DHX16: variants seen among roughly 807,000 people sequenced by gnomAD.
The protein encoded by DHX16 is DEAH-box helicase 16, also known as pre-mRNA-splicing factor ATP-dependent RNA helicase DHX16.
In DHX16, 81 loss-of-function variants were observed where a neutral mutation model predicts 131.2. The ratio of observed to expected loss-of-function variants is 0.62; its 90% CI spans 0.52 to 0.74. The LOEUF (loss-of-function observed/expected upper bound fraction) is 0.74, where lower values mean the gene tolerates loss of function less well. Ranked by LOEUF, DHX16 falls within the 30% of genes least tolerant of loss-of-function variation. DHX16 has a pLI of 0.00. For synonymous variants in DHX16, 440 were observed against 520.2 expected (o/e 0.85, Z 2.10); for missense variants, 980 against 1,363.1 (o/e 0.72, Z 4.43).
rs1768294900 is a variant in DHX16 at position 30,659,573 on chromosome 6, C to T, written c.1906G>A (p.Gly636Ser). ...EMLQDRCRRL[G>S]SKIRELLVLP... ...ACCAGGAGCTCCCGGATTTTGGAGC[C>T]CAGGCGGCGGCAGCGATCCTGGAGC... is the stretch of plus-strand genomic sequence containing the variant. The change falls in exon 12 of 20, where the codon GGC becomes AGC. Residue 636 changes from glycine to serine, a missense_variant. Gly to Ser is a moderately conservative substitution (Grantham distance 56). Transcript: ENST00000376442. 6.2e-7 allele frequency: 1 copy of T among 1,613,188 alleles called. No individual in the cohort carries two copies. Among genetic ancestry groups the T allele is most frequent in the South Asian group, 1.1e-5 (1 of 91,068 alleles).
At position 30,671,036 on chromosome 6, in the gene DHX16, C is replaced by G. The variant is rs142158557; in HGVS notation, c.446G>C (p.Gly149Ala). 3.7e-6 allele frequency: 6 copies of G among 1,613,000 alleles called. 1 individual carries two copies. The highest frequency in any genetic ancestry group is 3.3e-4 in the Middle Eastern group (2 of 6,062). Reference protein sequence around the residue: ...EASEKGKKKTGGSKQQTEKPE... With the variant: ...EASEKGKKKTAGSKQQTEKPE... ...CTCTCTCACCCTGCTTCTGACTTAC[C>G]CTGTTTTCTTCTTCCCTTTCTCAGA... Residue 149 changes from glycine (G) to alanine (A), a missense_variant and splice_region_variant, in exon 2 of 20, where the codon GGG (glycine) becomes GCG (alanine). By Grantham distance (60) the Gly-to-Ala change is moderately conservative (BLOSUM62 0). Coordinates refer to ENST00000376442, the MANE Select transcript of DHX16 (RefSeq NM_003587.5).
chr6:30,660,049 C>G lies in DHX16; in HGVS notation c.1738G>C (p.Asp580His). 1.2e-6 allele frequency: 2 copies of G among 1,612,766 alleles called. No homozygotes were observed. Among genetic ancestry groups the G allele is most frequent in the Non-Finnish European group, 1.7e-6 (2 of 1,179,856 alleles). Residue 580 changes from aspartate to histidine, a missense_variant, in exon 10 of 20, where the codon GAC (aspartate) becomes CAC (histidine). Physicochemically the swap from Asp to His is moderately conservative, Grantham distance 81 (BLOSUM62 -1). Transcript: ENST00000376442. Reference sequence around the variant, plus strand: ...GGGGGCACCTTGGTGTAGAAGATGTCCACAGGAAACCTGCGTCCGGGGATT... The same window carrying G: ...GGGGGCACCTTGGTGTAGAAGATGTGCACAGGAAACCTGCGTCCGGGGATT... ...FRIPGRRFPV[D>H]IFYTKAPEAD...
intron 7 of DHX16, 45 bp from the exon 8 acceptor site, chr6:30,663,066 T>C (rs749919784): frequency 3.4e-6 from 5 of 1,455,530 alleles, no homozygotes; most frequent in Admixed American, 1.9e-5. Context: ...TTACTAAATA[T>C]GCACCCTGGG....
chr6:30,664,935 C>G lies in DHX16; in HGVS notation c.1183G>C (p.Val395Leu), dbSNP rs907436587. The change falls in exon 7 of 20, where the codon GTC (valine) becomes CTC (leucine). Residue 395 changes from valine to leucine, a missense_variant. By Grantham distance (32) the Val-to-Leu change is conservative. Coordinates refer to ENST00000376442, the MANE Select transcript of DHX16 (RefSeq NM_003587.5). ...GGGAACACCGGGAGGCTGCGGCGGA[C>G]GGCCTGGATGGACTCTTTCTGCTGG... ...QAQQKESIQA[V>L]RRSLPVFPFR... The G allele has an allele frequency of 1.2e-6, 2 of 1,613,730 alleles. No individual in the cohort carries two copies. Among genetic ancestry groups the G allele is most frequent in the East Asian group, 2.2e-5 (1 of 44,888 alleles).
chr6:30,660,199 CTG>C lies in DHX16; in HGVS notation c.1586_1587del (p.Thr529ArgfsTer16), dbSNP rs772270630. ...TCCTTGATCAATCCAAAGAGAATGT[CTG>C]TGTGTAGGGTCCTTTCGTGTGCCTC... ...VDEAHERTLHTDILFGLIKDV... is the reference protein window; with the variant it reads ...VDEAHERTLHXDILFGLIKDV... On this transcript the variant is annotated frameshift_variant, in exon 10 of 20. Transcript: ENST00000376442. LOFTEE classifies it high-confidence loss of function. 2 of 1,561,192 alleles carry C rather than the reference CTG, an allele frequency of 1.3e-6. No homozygotes were observed. The highest frequency in any genetic ancestry group is 1.7e-6 in the Non-Finnish European group (2 of 1,152,666).
intron 4 of DHX16, among the ~76,000 whole-genome samples, chr6:30,669,640 C>T (rs1769346685): frequency 6.6e-6 from 1 of 150,542 alleles, no homozygotes; most frequent in Non-Finnish European, 1.5e-5. Context: ...GCCTGTAATC[C>T]CAGCTACTCA....
Position 30,660,086 on chromosome 6 carries a change from G to T in DHX16, c.1701C>A (p.Ala567=). ...TGCGTCCGGGGATTCGAAACACAGG[G>T]GCGTCATCAAAGAAGGTGGAAAAAC... ...TARFSTFFDD[A]PVFRIPGRRF... is the part of the protein sequence containing the mutation. Residue 567 remains alanine, a synonymous_variant, in exon 10 of 20, where the codon GCC becomes GCA. Transcript: ENST00000376442. The T allele has an allele frequency of 5.6e-6, 9 of 1,612,822 alleles. No individual in the cohort carries two copies. Among genetic ancestry groups the T allele is most frequent in the Non-Finnish European group, 7.6e-6 (9 of 1,179,914 alleles).
At position 30,672,978 on chromosome 6, in the gene DHX16, G is replaced by C; in HGVS notation, c.-137C>G. ...TACCTTGGGACCTCTAGGATCTTCC[G>C]ACATCCCAAAGCTGTCTTCCCGTAC... On this transcript the variant is annotated 5_prime_UTR_variant, in exon 1 of 20. Transcript: ENST00000376442. 1 of 1,551,680 alleles carries C rather than the reference G, an allele frequency of 6.4e-7. No individual in the cohort carries two copies. The highest frequency in any genetic ancestry group is 8.7e-7 in the Non-Finnish European group (1 of 1,147,080).
At chr6:30,655,837 A>G (rs1326343881) in intron 16 of DHX16, among the ~76,000 whole-genome samples, 1 of 152,174 alleles carries the variant, frequency 6.6e-6, no homozygotes, top group Non-Finnish European at 1.5e-5. Flanking sequence ...AGCAGGAAAC[A>G]CCGGGGAATT....
At chr6:30,655,058 A>G (rs1208703949) in intron 18 of DHX16, 117 bp downstream of exon 18, 53 of 1,469,988 alleles carry the variant, frequency 3.6e-5, no homozygotes, top group Non-Finnish European at 4.5e-5. Flanking sequence ...AGGACACGTC[A>G]TACACAAGGG....
chr6:30,672,799 G>A lies in DHX16; in HGVS notation c.43C>T (p.Leu15=). 6.2e-7 allele frequency: 1 copy of A among 1,612,972 alleles called. No homozygotes were observed. Among genetic ancestry groups the A allele is most frequent in the Non-Finnish European group, 8.5e-7 (1 of 1,180,036 alleles). ...AGLERWVQDE[L]HSVLGLSERH... is the part of the protein sequence containing the mutation. ...TCGCTCAGCCCCAACACCGAGTGCA[G>A]CTCGTCCTGAACCCAGCGCTCCAGA... Residue 15 remains leucine, a synonymous_variant, in exon 1 of 20, where the codon CTG becomes TTG. Transcript: ENST00000376442.
At chr6:30,659,432 G>A (rs774175977) in intron 12 of DHX16, 40 bp downstream of exon 12, 5 of 1,555,488 alleles carry the variant, frequency 3.2e-6, no homozygotes, top group East Asian at 2.4e-5. Flanking sequence ...ACTAGTTGTG[G>A]GAAGCATAGG....
chr6:30,664,787 T>C lies in DHX16; in HGVS notation c.1317+14A>G. On this transcript the variant is annotated intron_variant, in intron 7 of 19. Coordinates refer to ENST00000376442, the MANE Select transcript of DHX16 (RefSeq NM_003587.5). ...CCAGGTGCCCTGGCAAGCTGAAGGGTGAGATGACTGTACCTCCTCAAAGAG... is the reference window on the plus strand; with the variant it reads ...CCAGGTGCCCTGGCAAGCTGAAGGGCGAGATGACTGTACCTCCTCAAAGAG... 6.2e-7 allele frequency: 1 copy of C among 1,602,842 alleles called. No homozygotes were observed. Among genetic ancestry groups the C allele is most frequent in the Admixed American group, 1.7e-5 (1 of 59,754 alleles).
In DHX16 at chr6:30,670,980, G is replaced by A; in HGVS notation, c.447-28C>T. ...GCAGCCCATCCAGGGGATTAAATAAGGGCATAGAGAACACTTCAGCCTGCC... is the reference window on the plus strand; with the variant it reads ...GCAGCCCATCCAGGGGATTAAATAAAGGCATAGAGAACACTTCAGCCTGCC... On this transcript the variant is annotated intron_variant, in intron 2 of 19. Transcript: ENST00000376442. This position sits in a 1 kb window ranked among gnomAD's most constrained non-coding sequence, Gnocchi z 4.4. 6.2e-7 allele frequency: 1 copy of A among 1,613,022 alleles called. No homozygotes were observed. Among genetic ancestry groups the A allele is most frequent in the Non-Finnish European group, 8.5e-7 (1 of 1,179,980 alleles).
chr6:30,671,979 G>A (rs1769600684), intron 1 of DHX16, among the ~76,000 whole-genome samples: 1 of 151,636 alleles, frequency 6.6e-6, no homozygotes, highest in South Asian at 2.1e-4. Context: ...CACTGCACCC[G>A]GCCCCCTCTG....
rs371865758 is a variant in DHX16, at chr6:30,670,902, C to T, written c.497G>A (p.Arg166Gln). ...EKPESEDEWERTERERLQDLE... is the reference protein window; with the variant it reads ...EKPESEDEWEQTERERLQDLE... ...GTCCTGAAGGCGTTCACGCTCTGTCCGTTCCCACTCATCTTCCGACTCTGG... is the reference window on the plus strand; with the variant it reads ...GTCCTGAAGGCGTTCACGCTCTGTCTGTTCCCACTCATCTTCCGACTCTGG... Residue 166 changes from arginine to glutamine, a missense_variant, in exon 3 of 20, where the codon CGG (arginine) becomes CAG (glutamine). Coordinates refer to ENST00000376442, the MANE Select transcript of DHX16 (RefSeq NM_003587.5). The surrounding 1 kb of genome is among the most constrained non-coding windows in gnomAD (Gnocchi z 4.4). 5 of 1,613,078 alleles carry T rather than the reference C, an allele frequency of 3.1e-6. No individual in the cohort carries two copies. The highest frequency in any genetic ancestry group is 2.7e-5 in the African/African-American group (2 of 75,030).
chr6:30,672,373 G>A (rs1769645096), intron 1 of DHX16, among the ~76,000 whole-genome samples: 1 of 151,432 alleles, frequency 6.6e-6, no homozygotes, highest in Admixed American at 6.6e-5. Context: ...GATCCCTACT[G>A]AATCGCAATC....
chr6:30,670,805 T>C lies in DHX16; in HGVS notation c.594A>G (p.Glu198=). 1 of 1,613,024 alleles carries C rather than the reference T, an allele frequency of 6.2e-7. No homozygotes were observed. ...TCCTATTCACCTTCTTGTCTGACCGTTCCAGGACATTTCGAGTCCGATCCT... is the reference window on the plus strand; with the variant it reads ...TCCTATTCACCTTCTTGTCTGACCGCTCCAGGACATTTCGAGTCCGATCCT... ...RDKDRTRNVL[E]RSDKKAYEEA... is the part of the protein sequence containing the mutation. Residue 198 remains glutamate, a synonymous_variant, in exon 3 of 20, where the codon GAA becomes GAG. Transcript: ENST00000376442. This position sits in a 1 kb window ranked among gnomAD's most constrained non-coding sequence, Gnocchi z 4.4.
chr6:30,657,676 C>A (rs1337379945), intron 12 of DHX16, among the ~76,000 whole-genome samples: 1 of 152,120 alleles, frequency 6.6e-6, no homozygotes, highest in Non-Finnish European at 1.5e-5. Flanking sequence ...CAAGTAAGTG[C>A]ACTCCTCACT....
Sources: gnomAD v4.1 joint callset for allele counts (sites outside exome capture counted in the v4.1 genomes callset) on GRCh38, gnomAD v4.1.1 for gene constraint, Gnocchi (gnomAD v3.1) non-coding constraint, MANE v1.5 for transcripts, NCBI Gene and HGNC (gene_info 2026-07-23, HGNC 2026-07-21) for gene names.